The following SYN2 variants were observed in gnomAD, a reference collection of about 807,000 sequenced individuals.
SYN2 encodes the protein synapsin II, also known as synapsin-2.
In SYN2, 19 loss-of-function variants were observed where a neutral mutation model predicts 50.9. The ratio of observed to expected loss-of-function variants is 0.37; its 90% CI spans 0.26 to 0.55. SYN2 has a LOEUF of 0.55. SYN2 is among the 20% of genes least tolerant of loss of function. The pLI is 0.81. For synonymous variants in SYN2, 255 were observed against 224.9 expected (o/e 1.13, Z -1.20); for missense variants, 587 against 576.4 (o/e 1.02, Z -0.19).
chr3:12,154,595 T>C, intron 5 of SYN2: 1 of 767,116 alleles, frequency 1.3e-6, no homozygotes, highest in South Asian at 1.9e-5. Flanking sequence ...AAGGGACCAA[T>C]AAATAAAACT....
At chr3:12,175,223 G>A (rs916768363) in intron 10 of SYN2, among the ~76,000 whole-genome samples, 2 of 152,224 alleles carry the variant, frequency 1.3e-5, no homozygotes, top group Admixed American at 1.3e-4. Context: ...TCCCTTTGAT[G>A]TGCCATTGTA....
chr3:12,086,439 T>C (rs1375836392), intron 1 of SYN2, among the ~76,000 whole-genome samples: 3 of 152,206 alleles, frequency 2.0e-5, no homozygotes, highest in African/African-American at 7.2e-5. Flanking sequence ...GACAATATCT[T>C]TGATGAACAT....
At chr3:12,094,392 C>G (rs1377400588) in intron 1 of SYN2, among the ~76,000 whole-genome samples, 2 of 151,932 alleles carry the variant, frequency 1.3e-5, no homozygotes, top group African/African-American at 4.8e-5. Context: ...TGATATGTAC[C>G]TTATATTTTA....
intron 1 of SYN2, among the ~76,000 whole-genome samples, chr3:12,019,260 A>G (rs1694080630): frequency 6.6e-6 from 1 of 152,210 alleles, no homozygotes; most frequent in Non-Finnish European, 1.5e-5. Context: ...TTCTTGGGAC[A>G]TTTAAGGCAA....
chr3:12,187,597 C>T lies in SYN2; in HGVS notation c.1598C>T (p.Pro533Leu). 1 of 1,549,846 alleles carries T rather than the reference C, an allele frequency of 6.5e-7. No homozygotes were observed. Among genetic ancestry groups the T allele is most frequent in the Non-Finnish European group, 8.7e-7 (1 of 1,145,200 alleles). The change falls in exon 12 of 13, where the codon CCT becomes CTT. Residue 533 changes from proline to leucine, a missense_variant. Physicochemically the swap from Pro to Leu is moderately conservative, Grantham distance 98 (BLOSUM62 -3). Transcript: ENST00000621198. The part of the protein sequence containing the change: ...PLAAPPQKPQ[P>L]HPQLNKSQSL... The stretch of plus-strand genomic sequence containing the variant: ...GCTGCTCCACCACAGAAGCCCCAGC[C>T]TCACCCACAGCTCAAGTAAGAGACA...
intron 1 of SYN2, among the ~76,000 whole-genome samples, chr3:12,053,671 TCCCCCCTAGAG>T (rs1694922354): frequency 6.6e-6 from 1 of 152,066 alleles, no homozygotes; most frequent in African/African-American, 2.4e-5. Context: ...ACAGGACTTT[TCCCCCCTAGAG>T]TTAATAGTAT....
At chr3:12,036,808 G>A (rs1460319101) in intron 1 of SYN2, among the ~76,000 whole-genome samples, 1 of 152,112 alleles carries the variant, frequency 6.6e-6, no homozygotes, top group Non-Finnish European at 1.5e-5. Context: ...GCCTTTCCAG[G>A]CTGAGAGTTT....
chr3:12,169,828 C>G lies in SYN2; in HGVS notation c.1230C>G (p.Val410=). Reference sequence around the variant, plus strand: ...ACAGGCAACTCATCACCGAACTAGTCATCAGCAAGATGAACCAGCTGCTGT... The same window carrying G: ...ACAGGCAACTCATCACCGAACTAGTGATCAGCAAGATGAACCAGCTGCTGT... ...VEDRQLITEL[V]ISKMNQLLSR... Residue 410 remains valine, a synonymous_variant, in exon 10 of 13, where the codon GTC becomes GTG. Transcript: ENST00000621198. 1 of 1,613,928 alleles carries G rather than the reference C, an allele frequency of 6.2e-7. No homozygotes were observed. Among genetic ancestry groups the G allele is most frequent in the Non-Finnish European group, 8.5e-7 (1 of 1,179,862 alleles).
intron 1 of SYN2, among the ~76,000 whole-genome samples, chr3:12,126,306 G>C (rs1193641025): frequency 6.6e-6 from 1 of 152,162 alleles, no homozygotes; most frequent in Non-Finnish European, 1.5e-5. Context: ...TATCCCTGTT[G>C]CCCTGGCACT....
chr3:12,190,716 A>C lies in SYN2; in HGVS notation c.*91A>C. 6.5e-7 allele frequency: 1 copy of C among 1,543,682 alleles called. No homozygotes were observed. Among genetic ancestry groups the C allele is most frequent in the Non-Finnish European group, 8.7e-7 (1 of 1,147,850 alleles). ...TCAGCCAGCTTGGTGGTTATGTCCC[A>C]TGACCTTGACGTGTGTGGTCCCTTC... On this transcript the variant is annotated 3_prime_UTR_variant, in exon 13 of 13. Coordinates refer to ENST00000621198, the MANE Select transcript of SYN2 (RefSeq NM_133625.6).
intron 4 of SYN2, among the ~76,000 whole-genome samples, chr3:12,147,040 A>C (rs1331115595): frequency 6.6e-6 from 1 of 152,090 alleles, no homozygotes; most frequent in Non-Finnish European, 1.5e-5. Flanking sequence ...CCTAGGAGGG[A>C]CTTCTGGACC....
chr3:12,169,539 G>C (rs967633430), intron 9 of SYN2, among the ~76,000 whole-genome samples: 1 of 152,110 alleles, frequency 6.6e-6, no homozygotes, highest in Non-Finnish European at 1.5e-5. Context: ...GCCCTGGCAC[G>C]GGTAAAGCTT....
intron 7 of SYN2, among the ~76,000 whole-genome samples, chr3:12,164,948 A>G (rs527981821): frequency 1.3e-4 from 20 of 150,046 alleles, no homozygotes; most frequent in Non-Finnish European, 2.5e-4. Flanking sequence ...CTTGAAACCA[A>G]TTATATGAGG....
At chr3:12,027,713 A>T (rs1694292175) in intron 1 of SYN2, among the ~76,000 whole-genome samples, 1 of 152,228 alleles carries the variant, frequency 6.6e-6, no homozygotes. Context: ...AGATGCATAC[A>T]GTTAGAAAGT....
rs563699903 is a variant in SYN2 at position 12,016,627 on chromosome 3, C to T, written c.377+11699C>T. On this transcript the variant is annotated intron_variant, in intron 1 of 12. Transcript: ENST00000621198. ...ATCCCAGCTCTTTGGGAAGCTGAGG[C>T]GGGCAGATCACTTAAGGTCAGGAGT... Among the ~76,000 whole-genome samples, 21 of 152,238 alleles carry T rather than the reference C, an allele frequency of 1.4e-4. No homozygotes were observed. In the South Asian group the frequency reaches 3.7e-3, roughly 27 times the overall value.
At chr3:12,016,724 T>TCAC in intron 1 of SYN2, among the ~76,000 whole-genome samples, 1 of 152,104 alleles carries the variant, frequency 6.6e-6, no homozygotes, top group South Asian at 2.1e-4. Context: ...GGTGTGGTGG[T>TCAC]GGGCACTTGT....
chr3:12,151,970 G>T (rs558189033), intron 5 of SYN2, among the ~76,000 whole-genome samples: 1 of 152,126 alleles, frequency 6.6e-6, no homozygotes, highest in African/African-American at 2.4e-5. Flanking sequence ...TGTTTTTCCC[G>T]TGCAGGGACC....
chr3:12,099,931 C>T (rs571384522), intron 1 of SYN2, among the ~76,000 whole-genome samples: 2 of 130,836 alleles, frequency 1.5e-5, no homozygotes, highest in African/African-American at 3.1e-5. Flanking sequence ...CACCACTGCA[C>T]TCCAGACTGA....
In SYN2 at chr3:12,190,896, G is replaced by T. The variant is rs1173390373; in HGVS notation, c.*271G>T. On this transcript the variant is annotated 3_prime_UTR_variant, in exon 13 of 13. Coordinates refer to ENST00000621198, the MANE Select transcript of SYN2 (RefSeq NM_133625.6). Reference sequence around the variant, plus strand: ...GAGCTTCCTTCTGAAGTCATCGTTCGCTGTGAGTTTAGTGGCCTTATTGTG... The same window carrying T: ...GAGCTTCCTTCTGAAGTCATCGTTCTCTGTGAGTTTAGTGGCCTTATTGTG... 6.7e-6 allele frequency: 8 copies of T among 1,196,066 alleles called. No individual in the cohort carries two copies. The highest frequency in any genetic ancestry group is 4.9e-5 in the East Asian group (1 of 20,588). 74.1% of individuals were successfully genotyped at this position (1,196,066 alleles called of 1,614,324 possible). A position where few individuals can be genotyped will look rare whatever the true frequency, so the allele number is the denominator to read the frequency against.
Sources: allele counts gnomAD v4.1 joint callset (sites outside exome capture counted in the v4.1 genomes callset), GRCh38; gene constraint gnomAD v4.1.1; transcripts MANE v1.5; gene names NCBI Gene and HGNC (gene_info 2026-07-23, HGNC 2026-07-21).